The following ACSS2 variants were observed in gnomAD, a reference collection of about 807,000 sequenced individuals.
ACSS2 encodes the protein acetyl-coenzyme A synthetase, cytoplasmic.
Under a neutral mutation model 90.6 loss-of-function variants are expected in ACSS2, and 58 were observed. The observed-to-expected ratio is 0.64, with a 90% CI of 0.52 to 0.80. The LOEUF (loss-of-function observed/expected upper bound fraction) is 0.80. Ranked by LOEUF, ACSS2 falls within the 30% of genes least tolerant of loss-of-function variation. The pLI is 0.00. For missense variants in ACSS2, 759 were observed against 912.0 expected, an observed-to-expected ratio of 0.83 and a Z score of 2.16; for synonymous variants, 300 against 330.9, an observed-to-expected ratio of 0.91 and a Z score of 1.01.
intron 7 of ACSS2, among the ~76,000 whole-genome samples, chr20:34,915,961 G>A (rs1003962328): frequency 6.6e-6 from 1 of 152,132 alleles, no homozygotes; most frequent in Non-Finnish European, 1.5e-5. Flanking sequence ...GTAATGGAGA[G>A]ATGATAACAC....
In ACSS2 at chr20:34,927,245, C is replaced by T; in HGVS notation, c.*31C>T. 6.2e-7 allele frequency: 1 copy of T among 1,610,476 alleles called. No individual in the cohort carries two copies. The highest frequency in any genetic ancestry group is 1.3e-5 in the African/African-American group (1 of 74,970). On this transcript the variant is annotated 3_prime_UTR_variant, in exon 18 of 18. Coordinates refer to ENST00000360596, the MANE Select transcript of ACSS2 (RefSeq NM_018677.4). This position sits in a 1 kb window ranked among gnomAD's most constrained non-coding sequence, Gnocchi z 4.2. ...ATCCTGACCTTTACCTAGGATTCCT[C>T]CTGCTCCAAACTTTGCCCATCCTCT... is the stretch of plus-strand genomic sequence containing the variant.
At chr20:34,882,372 C>G (rs892230277) in intron 1 of ACSS2, among the ~76,000 whole-genome samples, 31 of 152,060 alleles carry the variant, frequency 2.0e-4, no homozygotes, top group Admixed American at 1.5e-3. Flanking sequence ...GCCTGTAATC[C>G]CAGCACTTTG....
intron 2 of ACSS2, among the ~76,000 whole-genome samples, chr20:34,909,144 G>A (rs1048490891): frequency 3.3e-5 from 5 of 149,776 alleles, no homozygotes; most frequent in Non-Finnish European, 7.4e-5. Context: ...GATCACTTGA[G>A]GCCAGGAGTT....
chr20:34,891,358 CTG>C (rs1216313658), intron 2 of ACSS2, among the ~76,000 whole-genome samples: 1 of 152,172 alleles, frequency 6.6e-6, no homozygotes, highest in Non-Finnish European at 1.5e-5. Flanking sequence ...AATTCTATGA[CTG>C]TTTCTGAAGA....
In ACSS2 at chr20:34,923,668, C is replaced by T. The variant is rs189642882; in HGVS notation, c.1657+237C>T. Among the ~76,000 whole-genome samples the T allele has an allele frequency of 4.6e-5, 7 of 152,236 alleles. No individual in the cohort carries two copies. The East Asian group carries it at 1.4e-3, about 29-fold the overall frequency. On this transcript the variant is annotated intron_variant, in intron 14 of 17. Transcript: ENST00000360596. ...ATCACGGCAGAAAGCAAAGGGAAAG[C>T]CAGTGTTTGACATGGCAAGAGAGGA...
Position 34,919,525 on chromosome 20 carries a change from G to A in ACSS2, c.925G>A (p.Asp309Asn), listed in dbSNP as rs1390923351. The change falls in exon 8 of 18, where the codon GAC becomes AAC. Residue 309 changes from aspartate (D) to asparagine (N), a missense_variant. Transcript: ENST00000360596. ...ECEPEWCDAE[D>N]PLFILYTSGS... ...TGAGCCCGAGTGGTGTGATGCCGAG[G>A]ACCCACTCTTCATCCTGTACACCAG... The A allele has an allele frequency of 6.2e-7, 1 of 1,611,826 alleles. No individual in the cohort carries two copies. The highest frequency in any genetic ancestry group is 8.5e-7 in the Non-Finnish European group (1 of 1,179,942).
intron 2 of ACSS2, among the ~76,000 whole-genome samples, chr20:34,898,849 G>A (rs745464666): frequency 1.4e-4 from 22 of 152,112 alleles, no homozygotes; most frequent in Non-Finnish European, 2.6e-4. Flanking sequence ...CCGTGAGCAG[G>A]GGGCGGTGCT....
chr20:34,876,425 G>A (rs2079907455), upstream of ACSS2: 1 of 425,096 alleles, frequency 2.4e-6, no homozygotes, highest in Non-Finnish European at 3.9e-6. Context: ...CCTATCCCTC[G>A]ACTTTTCCTT....
chr20:34,914,641 G>A (rs2081041017), intron 7 of ACSS2, among the ~76,000 whole-genome samples: 1 of 152,190 alleles, frequency 6.6e-6, no homozygotes, highest in African/African-American at 2.4e-5. Context: ...TGTACCTTGA[G>A]AACATAGCAC....
At position 34,925,694 on chromosome 20, in the gene ACSS2, C is replaced by G. The variant is rs2081301828; in HGVS notation, c.1658-4C>G. 1 of 1,612,488 alleles carries G rather than the reference C, an allele frequency of 6.2e-7. No homozygotes were observed. The highest frequency in any genetic ancestry group is 1.7e-5 in the Admixed American group (1 of 59,826). On this transcript the variant is annotated splice_polypyrimidine_tract_variant and splice_region_variant and intron_variant, in intron 14 of 17. Coordinates refer to ENST00000360596, the MANE Select transcript of ACSS2 (RefSeq NM_018677.4). The stretch of plus-strand genomic sequence containing the variant: ...TATTTATTAGGTTTTGCATTTCTTC[C>G]CAGGCTGCCAGCGGGACCAGGATGG...
Position 34,920,576 on chromosome 20 carries a change from T to A in ACSS2, c.1010T>A (p.Val337Glu). The A allele has an allele frequency of 1.2e-6, 2 of 1,614,216 alleles. No individual in the cohort carries two copies. The highest frequency in any genetic ancestry group is 1.7e-6 in the Non-Finnish European group (2 of 1,180,030). Residue 337 changes from valine (V) to glutamate (E), a missense_variant, in exon 9 of 18, where the codon GTA becomes GAA. Physicochemically the swap from Val to Glu is moderately radical, Grantham distance 121. Transcript: ENST00000360596. ...ACAGTTGGGGGCTACATGCTCTATG[T>A]AGCCACAACCTTCAAGTATGTGTTT... ...VHTVGGYMLY[V>E]ATTFKYVFDF...
At chr20:34,891,685 G>C (rs4911164) in intron 2 of ACSS2, among the ~76,000 whole-genome samples, 100,876 of 151,972 alleles carry the variant, frequency 0.66, 35,023 homozygotes, top group African/African-American at 0.86. Context: ...CCACTTGAAT[G>C]AGGTGAGCAG....
intron 17 of ACSS2, 32 bp downstream of exon 17, chr20:34,926,983 G>A (rs866652450): frequency 6.2e-7 from 1 of 1,614,078 alleles, no homozygotes; most frequent in Middle Eastern, 1.6e-4. Flanking sequence ...GATTGGGATG[G>A]GCTGAGGCCT....
rs1276738165 is a variant in ACSS2 at position 34,890,924 on chromosome 20, A to G, written c.374+7935A>G. ...GAGCTCCCCAGATCCTTGTAGGCAT[A>G]TGTGTGTGTGTGTATTTGAGGCCAA... On this transcript the variant is annotated intron_variant, in intron 2 of 17. Coordinates refer to ENST00000360596, the MANE Select transcript of ACSS2 (RefSeq NM_018677.4). Among the ~76,000 whole-genome samples, 5 of 142,678 alleles carry G rather than the reference A, an allele frequency of 3.5e-5. No homozygotes were observed. The East Asian group carries it at 6.5e-4, about 19-fold the overall frequency. 93.6% of individuals were successfully genotyped at this position (142,678 alleles called of 152,430 possible).
intron 2 of ACSS2, 78 bp from the exon 3 acceptor site, chr20:34,913,018 G>A (rs1727093438): frequency 8.8e-7 from 1 of 1,131,192 alleles, no homozygotes; most frequent in African/African-American, 1.5e-5. Context: ...TCACTGAATG[G>A]ATTTTATGAC....
chr20:34,894,599 A>C (rs1402438538), intron 2 of ACSS2, among the ~76,000 whole-genome samples: 1 of 152,150 alleles, frequency 6.6e-6, no homozygotes, highest in Non-Finnish European at 1.5e-5. Context: ...TGGGAGGTTG[A>C]GGCTGCAGTG....
chr20:34,926,105 G>A lies in ACSS2; in HGVS notation c.1727G>A (p.Gly576Glu). 1 of 1,614,062 alleles carries A rather than the reference G, an allele frequency of 6.2e-7. No individual in the cohort carries two copies. Among genetic ancestry groups the A allele is most frequent in the Non-Finnish European group, 8.5e-7 (1 of 1,179,956 alleles). The part of the protein sequence containing the change: ...GRIDDMLNVS[G>E]HLLSTAEVES... ...ATGGCACTTCCTTTCCCTTGACAAG[G>A]ACACCTGCTGAGTACAGCAGAGGTG... Residue 576 changes from glycine (G) to glutamate (E), a missense_variant and splice_region_variant, in exon 16 of 18, where the codon GGA becomes GAA. Transcript: ENST00000360596.
chr20:34,903,499 T>C (rs936044412), intron 2 of ACSS2, among the ~76,000 whole-genome samples: 6 of 152,122 alleles, frequency 3.9e-5, no homozygotes, highest in Non-Finnish European at 7.4e-5. Flanking sequence ...TACAGATTTT[T>C]GAGACTTGCT....
intron 2 of ACSS2, among the ~76,000 whole-genome samples, chr20:34,911,746 C>A (rs1601349949): frequency 1.3e-5 from 2 of 152,222 alleles, no homozygotes; most frequent in East Asian, 3.9e-4. Flanking sequence ...TTGTTTATTA[C>A]CCACACTATC....
Sources: gnomAD v4.1 joint callset for allele counts (sites outside exome capture counted in the v4.1 genomes callset) on GRCh38, gnomAD v4.1.1 for gene constraint, Gnocchi (gnomAD v3.1) non-coding constraint, MANE v1.5 for transcripts, NCBI Gene and HGNC (gene_info 2026-07-23, HGNC 2026-07-21) for gene names.